Variants in AGAP1 observed in about 807,000 individuals in gnomAD.
The protein encoded by AGAP1 is ArfGAP with GTPase domain, ankyrin repeat and PH domain 1, also known as arf-GAP with GTPase, ANK repeat and PH domain-containing protein 1.
A neutral mutation model predicts 105.3 loss-of-function variants in AGAP1; 29 were observed. The ratio of observed to expected loss-of-function variants is 0.28; its 90% CI spans 0.21 to 0.38. The LOEUF is 0.38. AGAP1 is among the 10% of genes least tolerant of loss of function. The pLI is 1.00. For missense variants in AGAP1, 998 were observed against 1,165.1 expected (o/e 0.86, Z 2.09); for synonymous variants, 509 against 485.9 (o/e 1.05, Z -0.63).
intron 1 of AGAP1, among the ~76,000 whole-genome samples, chr2:235,554,080 C>T (rs1003343616): frequency 1.3e-5 from 2 of 152,208 alleles, no homozygotes; most frequent in Non-Finnish European, 2.9e-5. Context: ...CCGAAGGGCT[C>T]TGGGGAAAGT....
At chr2:236,106,444 C>A (rs768278190) in intron 16 of AGAP1, among the ~76,000 whole-genome samples, 1 of 152,216 alleles carries the variant, frequency 6.6e-6, no homozygotes, top group African/African-American at 2.4e-5. Flanking sequence ...GTGTGCCACC[C>A]GGGCTGTCGT....
At chr2:235,949,555 G>C (rs754856875) in intron 12 of AGAP1, among the ~76,000 whole-genome samples, 1 of 152,044 alleles carries the variant, frequency 6.6e-6, no homozygotes, top group Middle Eastern at 3.2e-3. Flanking sequence ...TAAATCCCTC[G>C]AACACCCAAG....
At chr2:235,585,795 G>A (rs766950745) in intron 1 of AGAP1, among the ~76,000 whole-genome samples, 3 of 152,086 alleles carry the variant, frequency 2.0e-5, no homozygotes, top group Non-Finnish European at 2.9e-5. Flanking sequence ...ACCCACCACC[G>A]TCTTACCTTC....
rs2055452296 is a variant in AGAP1 at position 235,989,221 on chromosome 2, C to T, written c.1645+20598C>T. ...TTCTTCCCTGGAATTAGATATTTTT[C>T]GTTCAAGCTGCTGACAGGTATTTAT... is the stretch of plus-strand genomic sequence containing the variant. On this transcript the variant is annotated intron_variant, in intron 13 of 17. Coordinates refer to ENST00000304032, the MANE Select transcript of AGAP1 (RefSeq NM_001037131.3). This position sits in a 1 kb window ranked among gnomAD's most constrained non-coding sequence, Gnocchi z 4.4. Among the ~76,000 whole-genome samples, 1 of 152,284 alleles carries T rather than the reference C, an allele frequency of 6.6e-6. No individual in the cohort carries two copies. The highest frequency in any genetic ancestry group is 2.1e-4 in the South Asian group (1 of 4,826).
chr2:235,571,447 T>G (rs1466077318), intron 1 of AGAP1, among the ~76,000 whole-genome samples: 1 of 152,242 alleles, frequency 6.6e-6, no homozygotes, highest in African/African-American at 2.4e-5. Flanking sequence ...TTTCCAGGCC[T>G]GACAGCCATG....
At chr2:235,767,002 C>T (rs147185064) in intron 6 of AGAP1, among the ~76,000 whole-genome samples, 1,737 of 150,558 alleles carry the variant, frequency 0.012, 18 homozygotes, top group Non-Finnish European at 0.018. Context: ...CAACCTCTGC[C>T]TTCCAGATTC....
At position 235,633,219 on chromosome 2, in the gene AGAP1, C is replaced by A. The variant is rs992062413; in HGVS notation, c.164-75960C>A. 2.0e-5 allele frequency among the ~76,000 whole-genome samples: 3 copies of A among 152,110 alleles called. No homozygotes were observed. The highest frequency in any genetic ancestry group is 4.4e-5 in the Non-Finnish European group (3 of 68,028). On this transcript the variant is annotated intron_variant, in intron 1 of 17. Transcript: ENST00000304032. This position sits in a 1 kb window ranked among gnomAD's most constrained non-coding sequence, Gnocchi z 4.8. ...CATGCGGGAGCCTACGGAATGAAGACCCGAAGATTCAGGGGAGGTCGTCTG... is the reference window on the plus strand; with the variant it reads ...CATGCGGGAGCCTACGGAATGAAGAACCGAAGATTCAGGGGAGGTCGTCTG...
intron 12 of AGAP1, among the ~76,000 whole-genome samples, chr2:235,949,845 C>T (rs186839299): frequency 1.3e-5 from 2 of 152,190 alleles, no homozygotes; most frequent in African/African-American, 2.4e-5. Context: ...GCCAGAGTCA[C>T]AGCTCATGCA....
chr2:235,558,242 C>G (rs1400721190), intron 1 of AGAP1, among the ~76,000 whole-genome samples: 2 of 152,124 alleles, frequency 1.3e-5, no homozygotes, highest in African/African-American at 2.4e-5. Context: ...ATGGACCAGG[C>G]TCTCCTCCTT....
chr2:235,591,750 T>A (rs960614048), intron 1 of AGAP1, among the ~76,000 whole-genome samples: 1 of 152,176 alleles, frequency 6.6e-6, no homozygotes, highest in African/African-American at 2.4e-5. Context: ...CTCTGATAGT[T>A]CATGAGAGGT....
Position 235,981,290 on chromosome 2 carries a change from T to C in AGAP1, c.1645+12667T>C, listed in dbSNP as rs1207871480. Reference sequence around the variant, plus strand: ...ATTAAATAAATAGGTAGCTTTGTTCTTTGGCTTGATTATTCATTTGGGTCT... The same window carrying C: ...ATTAAATAAATAGGTAGCTTTGTTCCTTGGCTTGATTATTCATTTGGGTCT... On this transcript the variant is annotated intron_variant, in intron 13 of 17. Coordinates refer to ENST00000304032, the MANE Select transcript of AGAP1 (RefSeq NM_001037131.3). This position sits in a 1 kb window ranked among gnomAD's most constrained non-coding sequence, Gnocchi z 5.5. Among the ~76,000 whole-genome samples, 1 of 152,168 alleles carries C rather than the reference T, an allele frequency of 6.6e-6. No individual in the cohort carries two copies. Among genetic ancestry groups the C allele is most frequent in the Admixed American group, 6.6e-5 (1 of 15,264 alleles).
chr2:235,858,090 A>G (rs552801790), intron 9 of AGAP1, among the ~76,000 whole-genome samples: 49 of 152,356 alleles, frequency 3.2e-4, no homozygotes, highest in Middle Eastern at 6.8e-3. Context: ...CTAACTTTGT[A>G]TAAATTCAAA....
chr2:235,821,200 G>C (rs1459867399), intron 9 of AGAP1, among the ~76,000 whole-genome samples: 2 of 152,270 alleles, frequency 1.3e-5, no homozygotes, highest in African/African-American at 2.4e-5. Context: ...TAACTGAATA[G>C]TACCAGGATG....
chr2:235,733,665 A>G lies in AGAP1; in HGVS notation c.311-7298A>G, dbSNP rs1170148958. On this transcript the variant is annotated intron_variant, in intron 3 of 17. Coordinates refer to ENST00000304032, the MANE Select transcript of AGAP1 (RefSeq NM_001037131.3). This position sits in a 1 kb window ranked among gnomAD's most constrained non-coding sequence, Gnocchi z 5.0. Reference sequence around the variant, plus strand: ...CCTTACTTAGATCTCGGTTAAATGAAACCATGAGAGACCGTGGCCTGCCCA... The same window carrying G: ...CCTTACTTAGATCTCGGTTAAATGAGACCATGAGAGACCGTGGCCTGCCCA... 3.3e-5 allele frequency among the ~76,000 whole-genome samples: 5 copies of G among 152,076 alleles called. No homozygotes were observed. The highest frequency in any genetic ancestry group is 7.4e-5 in the Non-Finnish European group (5 of 68,020).
intron 1 of AGAP1, among the ~76,000 whole-genome samples, chr2:235,519,147 AC>A (rs1226223325): frequency 1.3e-5 from 2 of 152,242 alleles, no homozygotes; most frequent in African/African-American, 4.8e-5. Context: ...ATCGTAGCTC[AC>A]CATAACCTCA....
intron 13 of AGAP1, among the ~76,000 whole-genome samples, chr2:235,969,875 T>TG (rs1177777514): frequency 6.6e-6 from 1 of 152,236 alleles, no homozygotes; most frequent in Non-Finnish European, 1.5e-5. Context: ...TTTTGCCTCC[T>TG]GTAAGCTTCC....
intron 16 of AGAP1, among the ~76,000 whole-genome samples, chr2:236,085,921 A>T (rs900139907): frequency 6.6e-6 from 1 of 152,254 alleles, no homozygotes; most frequent in Admixed American, 6.5e-5. Context: ...CCGTGGGTTC[A>T]TCTGGCTGCC....
rs1951481436 is a variant in AGAP1, at chr2:235,723,356, C to T, written c.310+5712C>T. On this transcript the variant is annotated intron_variant, in intron 3 of 17. Transcript: ENST00000304032. This position sits in a 1 kb window ranked among gnomAD's most constrained non-coding sequence, Gnocchi z 6.2. ...CCACATGATGCCACTCAGCTTTTAA[C>T]TCTCCTTTCAAAAGAGAAAAAGTCA... 6.6e-6 allele frequency among the ~76,000 whole-genome samples: 1 copy of T among 152,162 alleles called. No homozygotes were observed. Among genetic ancestry groups the T allele is most frequent in the Non-Finnish European group, 1.5e-5 (1 of 68,036 alleles).
In AGAP1 at chr2:235,660,560, G is replaced by A. The variant is rs1947914361; in HGVS notation, c.164-48619G>A. On this transcript the variant is annotated intron_variant, in intron 1 of 17. Transcript: ENST00000304032. This position sits in a 1 kb window ranked among gnomAD's most constrained non-coding sequence, Gnocchi z 5.3. ...GGTGTGCCCAGGTATGAGGGGAGAA[G>A]AAGGGGTCAGGGCCAGCAGGGAAAG... 6.6e-6 allele frequency among the ~76,000 whole-genome samples: 1 copy of A among 152,114 alleles called. No individual in the cohort carries two copies. Among genetic ancestry groups the A allele is most frequent in the African/African-American group, 2.4e-5 (1 of 41,412 alleles).
Sources: allele counts gnomAD v4.1 joint callset (sites outside exome capture counted in the v4.1 genomes callset), GRCh38; gene constraint gnomAD v4.1.1; non-coding constraint Gnocchi (gnomAD v3.1); transcripts MANE v1.5; gene names NCBI Gene and HGNC (gene_info 2026-07-23, HGNC 2026-07-21).